Variants in PDHX observed in about 807,000 individuals in gnomAD.
The protein encoded by PDHX is pyruvate dehydrogenase complex component X.
PDHX carries 33 observed loss-of-function variants against 55.3 expected under a neutral mutation model. That is an observed-to-expected ratio of 0.60 (90% CI 0.45 to 0.80). The LOEUF (loss-of-function observed/expected upper bound fraction) is 0.80. PDHX is among the 30% of genes least tolerant of loss of function. The pLI is 0.00. For missense variants in PDHX, 622 were observed against 619.9 expected, an observed-to-expected ratio of 1.00 and a Z score of -0.04; for synonymous variants, 226 against 219.4, an observed-to-expected ratio of 1.03 and a Z score of -0.27.
chr11:34,969,197 T>C (rs1359919217), intron 6 of PDHX, among the ~76,000 whole-genome samples: 1 of 152,016 alleles, frequency 6.6e-6, no homozygotes, highest in Non-Finnish European at 1.5e-5. Context: ...GTTCAGTATG[T>C]TAGGTGTATT....
intron 2 of PDHX, among the ~76,000 whole-genome samples, chr11:34,942,638 T>C (rs1294845074): frequency 6.6e-6 from 1 of 152,232 alleles, no homozygotes; most frequent in Non-Finnish European, 1.5e-5. Flanking sequence ...CATTATTTGC[T>C]CTCAGAGTTT....
At chr11:34,990,692 A>G (rs1366007771) in intron 9 of PDHX, among the ~76,000 whole-genome samples, 1 of 152,238 alleles carries the variant, frequency 6.6e-6, no homozygotes, top group Admixed American at 6.5e-5. Context: ...CAAGAACTGT[A>G]TAAGTCAAAA....
At position 34,978,139 on chromosome 11, in the gene PDHX, C is replaced by T; in HGVS notation, c.980C>T (p.Ser327Leu). Residue 327 changes from serine to leucine, a missense_variant, in exon 8 of 11, where the codon TCA (serine) becomes TTA (leucine). Transcript: ENST00000227868. Reference protein sequence around the residue: ...QDLVKDDIKVSVNDFIIKAAA... With the variant: ...QDLVKDDIKVLVNDFIIKAAA... ...TTTCTTTCAGATGACATTAAAGTAT[C>T]AGTAAATGATTTTATCATCAAGGCA... The T allele has an allele frequency of 2.6e-6, 4 of 1,556,220 alleles. No homozygotes were observed. The highest frequency in any genetic ancestry group is 3.5e-6 in the Non-Finnish European group (4 of 1,128,176).
At chr11:34,979,904 G>A (rs1590765368) in intron 8 of PDHX, among the ~76,000 whole-genome samples, 1 of 151,074 alleles carries the variant, frequency 6.6e-6, no homozygotes, top group African/African-American at 2.4e-5. Context: ...TCTTTCCTCT[G>A]TACACATTTC....
intron 7 of PDHX, among the ~76,000 whole-genome samples, chr11:34,972,450 T>C (rs1406211660): frequency 6.6e-6 from 1 of 151,360 alleles, no homozygotes; most frequent in African/African-American, 2.4e-5. Flanking sequence ...CAGGCTGGAG[T>C]GCAGTGGTGC....
chr11:34,994,890 C>T, intron 10 of PDHX, 24 bp from the exon 11 acceptor site: 1 of 1,613,580 alleles, frequency 6.2e-7, no homozygotes, highest in Non-Finnish European at 8.5e-7. Context: ...ATGCCTCCTT[C>T]AGAGCTTTTT....
chr11:34,976,854 G>A (rs1164439028), intron 7 of PDHX, among the ~76,000 whole-genome samples: 2 of 152,148 alleles, frequency 1.3e-5, no homozygotes, highest in African/African-American at 2.4e-5. Flanking sequence ...GTGAATACCT[G>A]TGGGTAAGTA....
intron 5 of PDHX, among the ~76,000 whole-genome samples, chr11:34,965,320 T>C (rs928839454): frequency 1.3e-5 from 2 of 152,226 alleles, no homozygotes; most frequent in African/African-American, 4.8e-5. Flanking sequence ...AGAGGCCACG[T>C]GCAGGGCCTT....
intron 4 of PDHX, among the ~76,000 whole-genome samples, 178 bp downstream of exon 4, chr11:34,957,761 T>C (rs1854938863): frequency 6.6e-6 from 1 of 151,892 alleles, no homozygotes; most frequent in South Asian, 2.1e-4. Context: ...GTTCATTCAG[T>C]AAATAAATAG....
chr11:34,964,418 A>G (rs944338942), intron 5 of PDHX, among the ~76,000 whole-genome samples: 5 of 152,146 alleles, frequency 3.3e-5, no homozygotes, highest in African/African-American at 1.2e-4. Context: ...AGTCTGGCCA[A>G]CATGGTAAAA....
At chr11:34,960,355 T>TTAGA in intron 4 of PDHX, 65 bp from the exon 5 acceptor site, 1 of 1,056,926 alleles carries the variant, frequency 9.5e-7, no homozygotes, top group East Asian at 2.4e-5. Context: ...CTGTTGACAT[T>TTAGA]TAGATCTATT....
chr11:34,922,940 T>G (rs1442513023), intron 1 of PDHX, among the ~76,000 whole-genome samples: 1 of 151,790 alleles, frequency 6.6e-6, no homozygotes, highest in Non-Finnish European at 1.5e-5. Context: ...TGGTAATTTC[T>G]TTTGGCTCTT....
chr11:34,972,102 T>C (rs891055157), intron 7 of PDHX, among the ~76,000 whole-genome samples: 10 of 152,266 alleles, frequency 6.6e-5, no homozygotes, highest in African/African-American at 2.4e-4. Context: ...TTGTGTGTTT[T>C]ACTCTCTAGA....
intron 3 of PDHX, among the ~76,000 whole-genome samples, chr11:34,952,472 C>T (rs1363720169): frequency 2.6e-5 from 4 of 151,890 alleles, no homozygotes; most frequent in Non-Finnish European, 5.9e-5. Flanking sequence ...TCCAGCAGCA[C>T]ATCAAAAAGC....
chr11:34,969,509 A>G (rs1264423050), intron 6 of PDHX, among the ~76,000 whole-genome samples: 10 of 151,836 alleles, frequency 6.6e-5, no homozygotes, highest in Non-Finnish European at 1.5e-5. Flanking sequence ...ACACTCAGCT[A>G]ATTTTTGTAT....
intron 3 of PDHX, among the ~76,000 whole-genome samples, chr11:34,953,416 GCAT>G (rs1194328153): frequency 6.6e-6 from 1 of 152,178 alleles, no homozygotes; most frequent in African/African-American, 2.4e-5. Flanking sequence ...AAAGCTGGAG[GCAT>G]CATGCTACGT....
chr11:34,984,409 A>G (rs1855595312), intron 8 of PDHX, among the ~76,000 whole-genome samples, 161 bp from the exon 9 acceptor site: 1 of 152,222 alleles, frequency 6.6e-6, no homozygotes, highest in Admixed American at 6.5e-5. Context: ...ATAAAAGATA[A>G]TTGACACAGA....
At chr11:34,929,425 C>T (rs1590731040) in intron 1 of PDHX, among the ~76,000 whole-genome samples, 2 of 152,216 alleles carry the variant, frequency 1.3e-5, no homozygotes, top group Admixed American at 6.5e-5. Context: ...AGTGGGGTTT[C>T]GCCATGTTGG....
At chr11:34,980,348 G>GTTTTTTTTTTTTTTTTTTTTTTTT (rs1319243948) in intron 8 of PDHX, among the ~76,000 whole-genome samples, 12 of 30,474 alleles carry the variant, frequency 3.9e-4, no homozygotes, top group East Asian at 1.0e-3. Context: ...GTTTAAGATA[G>GTTTTTTTTTTTTTTTTTTTTTTTT]TTTCTTTTTT....
Sources: gnomAD v4.1 joint callset for allele counts (sites outside exome capture counted in the v4.1 genomes callset) on GRCh38, gnomAD v4.1.1 for gene constraint, MANE v1.5 for transcripts, NCBI Gene and HGNC (gene_info 2026-07-23, HGNC 2026-07-21) for gene names.